Variants in BCAS3 observed in about 807,000 individuals in gnomAD.
The protein encoded by BCAS3 is BCAS4/BCAS3 fusion.
A neutral mutation model predicts 116.1 loss-of-function variants in BCAS3; 53 were observed. That is an observed-to-expected ratio of 0.46 (90% CI 0.37 to 0.57). The LOEUF is 0.57. Among genes scored for constraint, BCAS3 ranks in the 20% least tolerant of loss-of-function variants. The pLI, the probability that BCAS3 is intolerant of heterozygous loss-of-function variation, is 0.00. For synonymous variants in BCAS3, 391 were observed against 408.2 expected, an observed-to-expected ratio of 0.96 and a Z score of 0.51; for missense variants, 917 against 1,165.4, an observed-to-expected ratio of 0.79 and a Z score of 3.10.
intron 22 of BCAS3, among the ~76,000 whole-genome samples, chr17:61,170,899 A>G (rs1396659502): frequency 6.6e-6 from 1 of 152,200 alleles, no homozygotes; most frequent in Non-Finnish European, 1.5e-5. Flanking sequence ...AGCTGAGCAC[A>G]TGGGAAACTA....
intron 6 of BCAS3, among the ~76,000 whole-genome samples, chr17:60,753,706 G>T (rs1330341576): frequency 6.6e-6 from 1 of 152,144 alleles, no homozygotes; most frequent in Non-Finnish European, 1.5e-5. Context: ...ACCACGCTCT[G>T]CCGCGTCTTC....
rs2055716706 is a variant in BCAS3, at chr17:61,326,217, G to T, written c.2426-42110G>T. 6.6e-6 allele frequency among the ~76,000 whole-genome samples: 1 copy of T among 152,194 alleles called. No individual in the cohort carries two copies. Among genetic ancestry groups the T allele is most frequent in the African/African-American group, 2.4e-5 (1 of 41,440 alleles). ...AGAGCATCTGAAAAGGGTATGCAGG[G>T]AGAGTTTCCCTAAGGAGGTCCCATT... On this transcript the variant is annotated intron_variant, in intron 22 of 23. Transcript: ENST00000407086. This position sits in a 1 kb window ranked among gnomAD's most constrained non-coding sequence, Gnocchi z 5.3.
intron 9 of BCAS3, among the ~76,000 whole-genome samples, chr17:60,875,923 C>A (rs183934262): frequency 6.6e-6 from 1 of 152,076 alleles, no homozygotes; most frequent in African/African-American, 2.4e-5. Flanking sequence ...AATGGACAGT[C>A]TTTTTCATTT....
Position 61,347,241 on chromosome 17 carries a change from C to A in BCAS3, c.2426-21086C>A, listed in dbSNP as rs1454912249. On this transcript the variant is annotated intron_variant, in intron 22 of 23. Coordinates refer to ENST00000407086, the MANE Select transcript of BCAS3 (RefSeq NM_017679.5). This position sits in a 1 kb window ranked among gnomAD's most constrained non-coding sequence, Gnocchi z 4.3. ...GGATTACAGGCATGCACCACCACACCCGGCTGATTTTTATATTTTTAGTAG... is the reference window on the plus strand; with the variant it reads ...GGATTACAGGCATGCACCACCACACACGGCTGATTTTTATATTTTTAGTAG... Among the ~76,000 whole-genome samples the A allele has an allele frequency of 6.6e-6, 1 of 152,066 alleles. No homozygotes were observed. The highest frequency in any genetic ancestry group is 1.5e-5 in the Non-Finnish European group (1 of 68,014).
intron 23 of BCAS3, among the ~76,000 whole-genome samples, chr17:61,375,342 C>G (rs1224062778): frequency 2.0e-5 from 3 of 151,034 alleles, no homozygotes; most frequent in Admixed American, 1.3e-4. Flanking sequence ...CAGATATGTA[C>G]CAAATAACTA....
At chr17:60,935,463 G>A (rs1043110896) in intron 13 of BCAS3, among the ~76,000 whole-genome samples, 4 of 151,834 alleles carry the variant, frequency 2.6e-5, no homozygotes, top group Non-Finnish European at 5.9e-5. Context: ...ATATAATTTG[G>A]TTGTGCACAG....
rs1398031034 is a variant in BCAS3 at position 61,365,166 on chromosome 17, C to T, written c.2426-3161C>T. 2.0e-5 allele frequency among the ~76,000 whole-genome samples: 3 copies of T among 152,184 alleles called. No individual in the cohort carries two copies. Among genetic ancestry groups the T allele is most frequent in the South Asian group, 2.1e-4 (1 of 4,826 alleles). ...TCACGTGTTAGTCTTTCTTGAAGTC[C>T]AGGCCTATTTCCATCCACCACTATG... On this transcript the variant is annotated intron_variant, in intron 22 of 23. Coordinates refer to ENST00000407086, the MANE Select transcript of BCAS3 (RefSeq NM_017679.5). The surrounding 1 kb of genome is among the most constrained non-coding windows in gnomAD (Gnocchi z 4.6).
chr17:61,338,961 C>T (rs550199841), intron 22 of BCAS3, among the ~76,000 whole-genome samples: 22 of 151,324 alleles, frequency 1.5e-4, no homozygotes, highest in Non-Finnish European at 2.9e-4. Context: ...TCTTTCTCCC[C>T]CTTCATGGCA....
rs2055558390 is a variant in BCAS3 at position 61,324,374 on chromosome 17, C to A, written c.2426-43953C>A. On this transcript the variant is annotated intron_variant, in intron 22 of 23. Coordinates refer to ENST00000407086, the MANE Select transcript of BCAS3 (RefSeq NM_017679.5). The surrounding 1 kb of genome is among the most constrained non-coding windows in gnomAD (Gnocchi z 4.6). ...AGGCAGAGATTCACCCATTTGACCC[C>A]TGCAAGGCTGATCACTGTCAGGGCA... Among the ~76,000 whole-genome samples, 1 of 152,206 alleles carries A rather than the reference C, an allele frequency of 6.6e-6. No homozygotes were observed. Among genetic ancestry groups the A allele is most frequent in the South Asian group, 2.1e-4 (1 of 4,836 alleles).
chr17:61,237,505 T>C (rs916637925), intron 22 of BCAS3, among the ~76,000 whole-genome samples: 1 of 152,216 alleles, frequency 6.6e-6, no homozygotes, highest in Admixed American at 6.5e-5. Context: ...GCTGGTTCTT[T>C]TGCTCTTCAC....
chr17:61,196,066 G>A lies in BCAS3; in HGVS notation c.2425+111502G>A, dbSNP rs911863103. Among the ~76,000 whole-genome samples the A allele has an allele frequency of 1.3e-5, 2 of 152,084 alleles. No individual in the cohort carries two copies. The highest frequency in any genetic ancestry group is 4.8e-5 in the African/African-American group (2 of 41,402). Reference sequence around the variant, plus strand: ...TTGTTTTTACCTCTCATCTAACTTTGGAGACCACAGTCGCCTTTGCAGATC... The same window carrying A: ...TTGTTTTTACCTCTCATCTAACTTTAGAGACCACAGTCGCCTTTGCAGATC... On this transcript the variant is annotated intron_variant, in intron 22 of 23. Transcript: ENST00000407086. The surrounding 1 kb of genome is among the most constrained non-coding windows in gnomAD (Gnocchi z 4.7).
chr17:61,313,063 C>T lies in BCAS3; in HGVS notation c.2426-55264C>T, dbSNP rs1015849704. Among the ~76,000 whole-genome samples, 5 of 152,182 alleles carry T rather than the reference C, an allele frequency of 3.3e-5. No individual in the cohort carries two copies. The highest frequency in any genetic ancestry group is 4.8e-5 in the African/African-American group (2 of 41,436). On this transcript the variant is annotated intron_variant, in intron 22 of 23. Coordinates refer to ENST00000407086, the MANE Select transcript of BCAS3 (RefSeq NM_017679.5). The surrounding 1 kb of genome is among the most constrained non-coding windows in gnomAD (Gnocchi z 4.3). ...CACCTCGTTGATCGCCTCAAAATCC[C>T]GTGAGGTTTTTAATCACTGACTCAG...
intron 22 of BCAS3, among the ~76,000 whole-genome samples, chr17:61,306,352 C>T (rs566960240): frequency 1.3e-5 from 2 of 152,280 alleles, no homozygotes; most frequent in Non-Finnish European, 2.9e-5. Flanking sequence ...CTATTTATTA[C>T]CTAGACTGCA....
chr17:61,204,539 T>C lies in BCAS3; in HGVS notation c.2425+119975T>C, dbSNP rs971782704. On this transcript the variant is annotated intron_variant, in intron 22 of 23. Transcript: ENST00000407086. This position sits in a 1 kb window ranked among gnomAD's most constrained non-coding sequence, Gnocchi z 4.2. ...CCCATGTTAAAAATAACAAAATGTG[T>C]TGTTGCTTCATCATTGTAACTTTCT... 1.3e-5 allele frequency among the ~76,000 whole-genome samples: 2 copies of C among 152,234 alleles called. No individual in the cohort carries two copies. Among genetic ancestry groups the C allele is most frequent in the African/African-American group, 2.4e-5 (1 of 41,466 alleles).
At chr17:60,988,338 C>CTTTTTTTTTTTTTTTTTTTTTTTT (rs71148317) in intron 14 of BCAS3, among the ~76,000 whole-genome samples, 4 of 66,762 alleles carry the variant, frequency 6.0e-5, no homozygotes, top group East Asian at 5.7e-4. Flanking sequence ...TTTTCTTTTT[C>CTTTTTTTTTTTTTTTTTTTTTTTT]TTTTTTTTTT....
intron 22 of BCAS3, among the ~76,000 whole-genome samples, chr17:61,283,802 C>T (rs1410076382): frequency 6.6e-6 from 1 of 152,112 alleles, no homozygotes; most frequent in Non-Finnish European, 1.5e-5. Flanking sequence ...TTTGCTCTGT[C>T]ACCCAGGTTG....
rs8080798 is a variant in BCAS3 at position 61,212,922 on chromosome 17, T to G, written c.2425+128358T>G. On this transcript the variant is annotated intron_variant, in intron 22 of 23. Transcript: ENST00000407086. ...CTGTATCTATATGAGTCCCAAGTCC[T>G]TCCTTTCAAAAGCCTTTGCTTATAC... Among the ~76,000 whole-genome samples, 9 of 152,330 alleles carry G rather than the reference T, an allele frequency of 5.9e-5. No individual in the cohort carries two copies. The East Asian group carries it at 1.3e-3, about 23-fold the overall frequency.
At chr17:61,340,446 T>C (rs73330745) in intron 22 of BCAS3, among the ~76,000 whole-genome samples, 21,676 of 151,872 alleles carry the variant, frequency 0.14, 2,265 homozygotes, top group African/African-American at 0.29. Context: ...GGAGAAGATA[T>C]TGACAGTTTG....
At chr17:60,910,192 AT>A (rs2058417688) in intron 11 of BCAS3, among the ~76,000 whole-genome samples, 2 of 152,202 alleles carry the variant, frequency 1.3e-5, no homozygotes. Context: ...TGATTTTAAG[AT>A]GTATACATTA....
Sources: gnomAD v4.1 joint callset for allele counts (sites outside exome capture counted in the v4.1 genomes callset) on GRCh38, gnomAD v4.1.1 for gene constraint, Gnocchi (gnomAD v3.1) non-coding constraint, MANE v1.5 for transcripts, NCBI Gene and HGNC (gene_info 2026-07-23, HGNC 2026-07-21) for gene names.